Variants in RBPJ observed in about 807,000 individuals in gnomAD.
RBPJ encodes recombining binding protein suppressor of hairless.
RBPJ carries 9 observed loss-of-function variants against 67.8 expected under a neutral mutation model. The observed-to-expected ratio is 0.13, with a 90% CI of 0.08 to 0.23. The LOEUF (loss-of-function observed/expected upper bound fraction) is 0.23, where lower values mean the gene tolerates loss of function less well. Ranked by LOEUF, RBPJ falls within the 10% of genes least tolerant of loss-of-function variation. The probability of loss-of-function intolerance (pLI) is 1.00; values close to 1 mark genes in which losing one functional copy is unlikely to be tolerated. For synonymous variants in RBPJ, 198 were observed against 203.3 expected (o/e 0.97, Z 0.22); for missense variants, 305 against 595.6 (o/e 0.51, Z 5.08).
chr4:26,212,342 T>G (rs1718453787), intron 1 of RBPJ, among the ~76,000 whole-genome samples: 1 of 152,044 alleles, frequency 6.6e-6, no homozygotes, highest in Non-Finnish European at 1.5e-5. Flanking sequence ...AGGCTATTAT[T>G]ACAATGTTGG....
intron 1 of RBPJ, among the ~76,000 whole-genome samples, chr4:26,215,007 GGAAGGAGAGAAAGAAAGAAAGAAAAGAAA>G: frequency 4.7e-5 from 3 of 64,154 alleles, no homozygotes; most frequent in Admixed American, 1.7e-4. Context: ...AGGGAAGGAA[GGAAGGAGAGAAAGAAAGAAAGAAAAGAAA>G]GAGGGAGGGA....
chr4:26,314,724 G>T (rs189405852), upstream of RBPJ, among the ~76,000 whole-genome samples: 26 of 152,212 alleles, frequency 1.7e-4, no homozygotes, highest in Non-Finnish European at 3.2e-4. Flanking sequence ...TACAGTCTGC[G>T]GAACCGTGAG....
chr4:26,193,843 G>A (rs377537528), intron 1 of RBPJ, among the ~76,000 whole-genome samples: 127 of 152,234 alleles, frequency 8.3e-4, no homozygotes, highest in African/African-American at 2.8e-3. Flanking sequence ...TCCAGAGCCT[G>A]CAATACCTGG....
intron 3 of RBPJ, among the ~76,000 whole-genome samples, chr4:26,413,329 C>T (rs920197871): frequency 4.6e-5 from 7 of 152,168 alleles, no homozygotes; most frequent in Admixed American, 6.5e-5. Flanking sequence ...CACCTTGGGC[C>T]GTCCCCATTT....
In RBPJ at chr4:26,169,618, C is replaced by T. The variant is rs535327337; in HGVS notation, c.-167+6004C>T. On this transcript the variant is annotated intron_variant, in intron 1 of 4. Coordinates refer to the RBPJ transcript ENST00000512351. The stretch of plus-strand genomic sequence containing the variant: ...TCTACTCAAAGCTGTCAGACAGGGA[C>T]ATTTAAGTCTGCAGAGGTTACTGCT... Among the ~76,000 whole-genome samples the T allele has an allele frequency of 6.0e-4, 92 of 152,300 alleles. 1 individual carries two copies. In the East Asian group the frequency reaches 0.016, roughly 26 times the overall value.
the RBPJ span, among the ~76,000 whole-genome samples, chr4:26,118,215 A>G: frequency 3.3e-5 from 5 of 152,226 alleles, no homozygotes. Context: ...CAAAGGGTTC[A>G]TAGAGATTCA....
the RBPJ span, among the ~76,000 whole-genome samples, chr4:26,141,623 C>T: frequency 6.6e-6 from 1 of 152,216 alleles, no homozygotes. Context: ...TCCATGCCCT[C>T]GAGCATTTGT....
the RBPJ span, chr4:26,113,452 T>C: frequency 1.8e-6 from 1 of 551,562 alleles, no homozygotes; most frequent in South Asian, 1.8e-5. Context: ...AACCACACCT[T>C]ACCAACCATC....
chr4:26,304,687 ATT>A (rs1257412655), intron 1 of RBPJ, among the ~76,000 whole-genome samples: 1 of 151,616 alleles, frequency 6.6e-6, no homozygotes, highest in African/African-American at 2.4e-5. Context: ...TAATTGAACG[ATT>A]TGTCTTTTTA....
At chr4:26,124,098 G>A in the RBPJ span, among the ~76,000 whole-genome samples, 2 of 151,942 alleles carry the variant, frequency 1.3e-5, no homozygotes, top group East Asian at 1.9e-4. Context: ...GTGATGTTTG[G>A]TTATAGGAAT....
At chr4:26,152,034 G>A in the RBPJ span, among the ~76,000 whole-genome samples, 5 of 152,210 alleles carry the variant, frequency 3.3e-5, no homozygotes, top group African/African-American at 4.8e-5. Flanking sequence ...ACAGTTGACA[G>A]TATAATAAGA....
chr4:26,164,110 G>A (rs530501067), intron 1 of RBPJ, among the ~76,000 whole-genome samples: 2 of 139,464 alleles, frequency 1.4e-5, no homozygotes, highest in African/African-American at 6.4e-5. Context: ...TACTGATCAC[G>A]TTGGTTGTTT....
the RBPJ span, among the ~76,000 whole-genome samples, chr4:26,127,302 TA>T: frequency 6.6e-6 from 1 of 152,226 alleles, no homozygotes; most frequent in African/African-American, 2.4e-5. Flanking sequence ...TGCTCATTGC[TA>T]AAGTCTTTCC....
intron 1 of RBPJ, among the ~76,000 whole-genome samples, chr4:26,344,414 T>A (rs1175179196): frequency 6.6e-6 from 1 of 151,706 alleles, no homozygotes; most frequent in Non-Finnish European, 1.5e-5. Context: ...TTTTTGTATT[T>A]TTAGTAGAGA....
At chr4:26,274,865 C>T (rs1721027329) in intron 1 of RBPJ, among the ~76,000 whole-genome samples, 2 of 151,104 alleles carry the variant, frequency 1.3e-5, no homozygotes, top group Admixed American at 6.6e-5. Context: ...ACCCAGGAGG[C>T]GGAGGTTGCA....
chr4:26,365,839 G>C (rs1011364896), intron 1 of RBPJ, among the ~76,000 whole-genome samples: 1 of 151,750 alleles, frequency 6.6e-6, no homozygotes, highest in Non-Finnish European at 1.5e-5. Flanking sequence ...CTAAGGAATA[G>C]AGAGTAGAAG....
At chr4:26,300,237 G>A (rs1269452337) in intron 1 of RBPJ, among the ~76,000 whole-genome samples, 1 of 151,524 alleles carries the variant, frequency 6.6e-6, no homozygotes, top group African/African-American at 2.4e-5. Flanking sequence ...CTGGAGGTGT[G>A]TGTATGGGCA....
chr4:26,385,730 A>G (rs1730843935), intron 1 of RBPJ, among the ~76,000 whole-genome samples: 1 of 151,654 alleles, frequency 6.6e-6, no homozygotes, highest in African/African-American at 2.4e-5. Flanking sequence ...TTTTAAAATG[A>G]AGCCTATGTA....
chr4:26,396,188 CAAATT>C (rs1732100162), intron 2 of RBPJ, among the ~76,000 whole-genome samples: 1 of 152,204 alleles, frequency 6.6e-6, no homozygotes, highest in East Asian at 1.9e-4. Flanking sequence ...AATTGATAGT[CAAATT>C]AAAGCCTAAG....
Sources: allele counts gnomAD v4.1 joint callset (sites outside exome capture counted in the v4.1 genomes callset), GRCh38; gene constraint gnomAD v4.1.1; transcripts MANE v1.5; gene names NCBI Gene and HGNC (gene_info 2026-07-23, HGNC 2026-07-21).